Variants in UPF1 observed in about 807,000 individuals in gnomAD.
UPF1 encodes the protein UPF1 RNA helicase and ATPase, also known as regulator of nonsense transcripts 1.
In UPF1, 9 loss-of-function variants were observed where a neutral mutation model predicts 129.2. The ratio of observed to expected loss-of-function variants is 0.07; its 90% confidence interval spans 0.04 to 0.12. UPF1 has a LOEUF of 0.12. UPF1 is among the 10% of genes least tolerant of loss of function. The pLI, the probability that UPF1 is intolerant of heterozygous loss-of-function variation, is 1.00. For missense variants in UPF1, 788 were observed against 1,525.3 expected, an observed-to-expected ratio of 0.52 and a Z score of 8.05; for synonymous variants, 649 against 644.9, an observed-to-expected ratio of 1.01 and a Z score of -0.10.
chr19:18,850,377 G>A lies in UPF1; in HGVS notation c.629+135G>A, dbSNP rs2055645110. The A allele has an allele frequency of 3.1e-6, 4 of 1,302,736 alleles. No homozygotes were observed. The highest frequency in any genetic ancestry group is 1.5e-5 in the South Asian group (1 of 66,282). 80.7% of individuals were successfully genotyped at this position (1,302,736 alleles called of 1,614,324 possible). A position where few individuals can be genotyped will look rare whatever the true frequency, so the allele number is the denominator to read the frequency against. On this transcript the variant is annotated intron_variant, in intron 4 of 23. Transcript: ENST00000262803. The surrounding 1 kb of genome is among the most constrained non-coding windows in gnomAD (Gnocchi z 7.1). ...CTCCAAAGATGGTTTTTGCTGAAGGGTGAGGCATGAGAGCGTTTAGGCGCT... is the reference window on the plus strand; with the variant it reads ...CTCCAAAGATGGTTTTTGCTGAAGGATGAGGCATGAGAGCGTTTAGGCGCT...
chr19:18,850,994 C>T lies in UPF1; in HGVS notation c.810+126C>T. ...ATTCTCTGAAAGGAATTCAGGCAGA[C>T]CTCTGCCACCTCTACGTGGAATGAC... is the stretch of plus-strand genomic sequence containing the variant. On this transcript the variant is annotated intron_variant, in intron 5 of 23. Transcript: ENST00000262803. The surrounding 1 kb of genome is among the most constrained non-coding windows in gnomAD (Gnocchi z 7.1). 1.7e-6 allele frequency: 2 copies of T among 1,193,136 alleles called. No homozygotes were observed. Among genetic ancestry groups the T allele is most frequent in the Non-Finnish European group, 1.1e-6 (1 of 890,130 alleles). 73.9% of individuals were successfully genotyped at this position (1,193,136 alleles called of 1,614,324 possible). A position where few individuals can be genotyped will look rare whatever the true frequency, so the allele number is the denominator to read the frequency against.
At chr19:18,848,973 G>C (rs958718218) in intron 3 of UPF1, 6 of 152,262 alleles carry the variant, frequency 3.9e-5, no homozygotes, top group African/African-American at 1.2e-4. Context: ...AAGGGCCTCT[G>C]AGAAACAACA....
intron 15 of UPF1, among the ~76,000 whole-genome samples, chr19:18,858,101 G>A (rs532031542): frequency 9.2e-5 from 14 of 152,310 alleles, no homozygotes; most frequent in Non-Finnish European, 2.1e-4. Context: ...AGCCTCGAGT[G>A]TTTCACTGTG....
At chr19:18,860,279 G>A (rs1167460109) in intron 15 of UPF1, 42 bp from the exon 16 acceptor site, 2 of 1,602,164 alleles carry the variant, frequency 1.2e-6, no homozygotes. Context: ...TTTGAGGCGG[G>A]CTAGGGCTTT....
chr19:18,855,829 CAG>C, intron 11 of UPF1, 94 bp from the exon 12 acceptor site: 1 of 1,489,120 alleles, frequency 6.7e-7, no homozygotes, highest in Non-Finnish European at 8.9e-7. Flanking sequence ...GCCTGGGCAA[CAG>C]AGCAAGACCC....
intron 1 of UPF1, among the ~76,000 whole-genome samples, chr19:18,835,869 C>T (rs2055478612): frequency 6.6e-6 from 1 of 152,180 alleles, no homozygotes; most frequent in Non-Finnish European, 1.5e-5. Flanking sequence ...GTTTCAGTAA[C>T]TGCAAGACTG....
intron 1 of UPF1, among the ~76,000 whole-genome samples, chr19:18,844,970 G>A (rs1568272609): frequency 6.6e-6 from 1 of 152,286 alleles, no homozygotes; most frequent in Non-Finnish European, 1.5e-5. Context: ...TGTGCGTGCA[G>A]GTAGCACGTG....
chr19:18,837,168 C>T (rs1427415435), intron 1 of UPF1, among the ~76,000 whole-genome samples: 1 of 152,100 alleles, frequency 6.6e-6, no homozygotes, highest in African/African-American at 2.4e-5. Flanking sequence ...TGGGTCACTG[C>T]AGCCTCGACC....
chr19:18,859,452 C>T (rs1366593221), intron 15 of UPF1: 4 of 152,250 alleles, frequency 2.6e-5, no homozygotes, highest in African/African-American at 9.6e-5. Flanking sequence ...CGCCTCATCC[C>T]TGCAGGTGGC....
At position 18,856,989 on chromosome 19, in the gene UPF1, G is replaced by A. The variant is rs773032684; in HGVS notation, c.1937G>A (p.Cys646Tyr). The A allele has an allele frequency of 6.2e-7, 1 of 1,612,876 alleles. No homozygotes were observed. Among genetic ancestry groups the A allele is most frequent in the South Asian group, 1.1e-5 (1 of 91,040 alleles). Residue 646 changes from cysteine to tyrosine, a missense_variant, in exon 14 of 24, where the codon TGC (cysteine) becomes TAC (tyrosine). By Grantham distance (194) the Cys-to-Tyr change is radical (BLOSUM62 -2). Around this residue, in one of 6 missense-constraint regions of UPF1, gnomAD observed 140 missense variants for 385.9 expected, o/e 0.36. Coordinates refer to ENST00000262803, the MANE Select transcript of UPF1 (RefSeq NM_002911.4). Reference sequence around the variant, plus strand: ...AGCACCCAGGCCACCGAGCCGGAGTGCATGGTTCCCGTGGTCCTCGGGGCC... The same window carrying A: ...AGCACCCAGGCCACCGAGCCGGAGTACATGGTTCCCGTGGTCCTCGGGGCC... ...DESTQATEPECMVPVVLGAKQ... is the reference protein window; with the variant it reads ...DESTQATEPEYMVPVVLGAKQ...
At chr19:18,846,495 G>A (rs1369816699) in intron 2 of UPF1, among the ~76,000 whole-genome samples, 2 of 152,102 alleles carry the variant, frequency 1.3e-5, no homozygotes, top group African/African-American at 4.8e-5. Flanking sequence ...CCCTCACAAA[G>A]CAGTTGCTGC....
intron 14 of UPF1, 134 bp from the exon 15 acceptor site, chr19:18,857,186 G>T: frequency 6.8e-7 from 1 of 1,464,652 alleles, no homozygotes; most frequent in South Asian, 1.3e-5. Flanking sequence ...TGCACGTCCA[G>T]TGTGCGTGGT....
At position 18,865,433 on chromosome 19, in the gene UPF1, C is replaced by T. The variant is rs753570545; in HGVS notation, c.3002C>T (p.Ala1001Val). 1 of 1,613,566 alleles carries T rather than the reference C, an allele frequency of 6.2e-7. No homozygotes were observed. Among genetic ancestry groups the T allele is most frequent in the Non-Finnish European group, 8.5e-7 (1 of 1,179,606 alleles). ...CCACCGCCTGGCTATTTTGGACAAG[C>T]CAACGGGCCTGCTGCAGGTGAGCAT... ...PMPPPGYFGQ[A>V]NGPAAGRGTP... is the part of the protein sequence containing the mutation. Residue 1001 changes from alanine to valine, a missense_variant, in exon 21 of 24, where the codon GCC becomes GTC. Transcript: ENST00000262803. This position sits in a 1 kb window ranked among gnomAD's most constrained non-coding sequence, Gnocchi z 6.1.
intron 3 of UPF1, chr19:18,848,444 G>A (rs1017302502): frequency 5.9e-5 from 9 of 153,638 alleles, no homozygotes; most frequent in Admixed American, 1.9e-4. Flanking sequence ...GGTGGGTCCC[G>A]TGCTAGCGGC....
chr19:18,864,381 C>G, intron 20 of UPF1, 130 bp downstream of exon 20: 1 of 731,584 alleles, frequency 1.4e-6, no homozygotes, highest in East Asian at 2.7e-5. Flanking sequence ...CTCCCTTGGC[C>G]TCCCCGCCCC....
intron 1 of UPF1, among the ~76,000 whole-genome samples, chr19:18,843,923 T>A (rs912757739): frequency 1.3e-5 from 2 of 152,060 alleles, no homozygotes; most frequent in Admixed American, 1.3e-4. Context: ...TTTGTGTATT[T>A]TTTTGTGGAG....
intron 2 of UPF1, 116 bp from the exon 3 acceptor site, chr19:18,847,628 G>C (rs183553419): frequency 1.1e-6 from 1 of 891,318 alleles, no homozygotes; most frequent in Non-Finnish European, 1.8e-6. Context: ...TTGGGGTTGA[G>C]TATGTGTTTA....
At chr19:18,854,503 T>C (rs2055694008) in intron 8 of UPF1, 98 bp from the exon 9 acceptor site, 1 of 978,310 alleles carries the variant, frequency 1.0e-6, no homozygotes, top group African/African-American at 1.6e-5. Flanking sequence ...CTTAAGTAAC[T>C]AAATTTTAAA....
rs1000517537 is a variant in UPF1 at position 18,851,346 on chromosome 19, TC to T, written c.810+482del. ...TCCTTCCACAGACAGCCCTCACTTT[TC>T]CCCACGGAAGCCTTTCTGTGCTTCC... is the stretch of plus-strand genomic sequence containing the variant. On this transcript the variant is annotated intron_variant, in intron 5 of 23. Coordinates refer to ENST00000262803, the MANE Select transcript of UPF1 (RefSeq NM_002911.4). This position sits in a 1 kb window ranked among gnomAD's most constrained non-coding sequence, Gnocchi z 4.2. Among the ~76,000 whole-genome samples, 1 of 152,180 alleles carries T rather than the reference TC, an allele frequency of 6.6e-6. No homozygotes were observed. The highest frequency in any genetic ancestry group is 1.5e-5 in the Non-Finnish European group (1 of 68,030).
Sources: gnomAD v4.1 joint callset for allele counts (sites outside exome capture counted in the v4.1 genomes callset) on GRCh38, gnomAD v4.1.1 for gene constraint, gnomAD v4.1.1 regional missense constraint, Gnocchi (gnomAD v3.1) non-coding constraint, MANE v1.5 for transcripts, NCBI Gene and HGNC (gene_info 2026-07-23, HGNC 2026-07-21) for gene names.